Variants in FAT3 observed in about 807,000 individuals in gnomAD.
FAT3 encodes the protein FAT atypical cadherin 3.
Under a neutral mutation model 310.2 loss-of-function variants are expected in FAT3, and 95 were observed. The ratio of observed to expected loss-of-function variants is 0.31; its 90% CI spans 0.26 to 0.36. The LOEUF is 0.36. Among genes scored for constraint, FAT3 ranks in the 10% least tolerant of loss-of-function variants. The pLI is 1.00. For synonymous variants in FAT3, 2,314 were observed against 2,192.9 expected, an observed-to-expected ratio of 1.06 and a Z score of -1.54; for missense variants, 5,408 against 5,715.6, an observed-to-expected ratio of 0.95 and a Z score of 1.74.
At chr11:92,280,987 A>C (rs563298354) in intron 1 of FAT3, among the ~76,000 whole-genome samples, 1 of 152,230 alleles carries the variant, frequency 6.6e-6, no homozygotes, top group Non-Finnish European at 1.5e-5. Flanking sequence ...TTAGTGAAAT[A>C]TATATTTATT....
intron 2 of FAT3, among the ~76,000 whole-genome samples, chr11:92,392,518 T>G (rs1029937510): frequency 6.6e-6 from 1 of 152,136 alleles, no homozygotes; most frequent in African/African-American, 2.4e-5. Flanking sequence ...TATCTGTCTC[T>G]TGCTCTCTAC....
At chr11:92,464,755 C>T (rs1011174378) in intron 2 of FAT3, among the ~76,000 whole-genome samples, 14 of 152,166 alleles carry the variant, frequency 9.2e-5, no homozygotes, top group Non-Finnish European at 1.8e-4. Flanking sequence ...TTCATTTAAG[C>T]CCAGTGTCTG....
At chr11:92,548,871 G>A (rs1443180436) in intron 3 of FAT3, among the ~76,000 whole-genome samples, 2 of 152,144 alleles carry the variant, frequency 1.3e-5, no homozygotes, top group African/African-American at 4.8e-5. Context: ...TATTTGTGTG[G>A]AATTTAAAAT....
At chr11:92,298,212 TAGCAAATCTTTA>T (rs1448795790) in intron 1 of FAT3, among the ~76,000 whole-genome samples, 4 of 152,116 alleles carry the variant, frequency 2.6e-5, no homozygotes, top group African/African-American at 9.7e-5. Context: ...TCTAATAAGG[TAGCAAATCTTTA>T]AGTTCTTCAT....
At chr11:92,630,587 A>C (rs972757885) in intron 3 of FAT3, among the ~76,000 whole-genome samples, 2 of 152,174 alleles carry the variant, frequency 1.3e-5, no homozygotes, top group Non-Finnish European at 2.9e-5. Flanking sequence ...CCCCCAACGG[A>C]GATCCCACTG....
chr11:92,878,733 TAAGAA>T (rs1000409927), intron 22 of FAT3, among the ~76,000 whole-genome samples: 2 of 121,470 alleles, frequency 1.6e-5, no homozygotes, highest in Admixed American at 1.8e-4. Flanking sequence ...GTGAAGGAGA[TAAGAA>T]ACTGTCATAA....
chr11:92,797,458 G>A (rs1340581216), intron 9 of FAT3, among the ~76,000 whole-genome samples: 2 of 152,188 alleles, frequency 1.3e-5, no homozygotes, highest in Admixed American at 6.5e-5. Context: ...TCATATGTGG[G>A]CTTCCCAATC....
intron 4 of FAT3, among the ~76,000 whole-genome samples, chr11:92,759,645 C>T (rs1946094433): frequency 6.6e-6 from 1 of 152,098 alleles, no homozygotes; most frequent in Non-Finnish European, 1.5e-5. Context: ...ACGAGTGACC[C>T]GCTATGCGTA....
At chr11:92,813,450 A>G (rs113313859) in intron 13 of FAT3, among the ~76,000 whole-genome samples, 15 of 152,274 alleles carry the variant, frequency 9.9e-5, no homozygotes, top group African/African-American at 3.6e-4. Context: ...TTCAAATTTC[A>G]GGGTGTTTGC....
At chr11:92,472,505 G>T (rs528519704) in intron 2 of FAT3, among the ~76,000 whole-genome samples, 1 of 152,160 alleles carries the variant, frequency 6.6e-6, no homozygotes, top group South Asian at 2.1e-4. Flanking sequence ...GCATTGGGAC[G>T]TAGTATTTGC....
chr11:92,667,130 C>G (rs980071511), intron 3 of FAT3, among the ~76,000 whole-genome samples: 13 of 152,036 alleles, frequency 8.6e-5, no homozygotes, highest in African/African-American at 3.1e-4. Context: ...GGAGTGATGC[C>G]TAAGGTTCTA....
intron 2 of FAT3, among the ~76,000 whole-genome samples, chr11:92,360,423 A>G (rs1349516844): frequency 6.6e-6 from 1 of 152,250 alleles, no homozygotes; most frequent in Admixed American, 6.5e-5. Flanking sequence ...CACAATTTAA[A>G]TCACTAGTCT....
chr11:92,726,424 T>C (rs1945000722), intron 4 of FAT3, among the ~76,000 whole-genome samples: 2 of 152,254 alleles, frequency 1.3e-5, no homozygotes, highest in African/African-American at 4.8e-5. Flanking sequence ...AGAACAACCA[T>C]AACAATGGGA....
At chr11:92,245,297 C>G (rs2212390) in intron 1 of FAT3, among the ~76,000 whole-genome samples, 23,060 of 151,200 alleles carry the variant, frequency 0.15, 2,090 homozygotes, top group East Asian at 0.37. Context: ...ATAATGAGAA[C>G]ACATGGACAC....
At chr11:92,280,937 G>A (rs555577774) in intron 1 of FAT3, among the ~76,000 whole-genome samples, 2 of 152,076 alleles carry the variant, frequency 1.3e-5, no homozygotes, top group Admixed American at 6.6e-5. Context: ...TAAAATCTAG[G>A]TTCTCTTTGA....
chr11:92,440,434 T>C (rs1283886573), intron 2 of FAT3, among the ~76,000 whole-genome samples: 2 of 152,184 alleles, frequency 1.3e-5, no homozygotes, highest in African/African-American at 2.4e-5. Context: ...CAGATCATCG[T>C]TGGGTTGAGA....
chr11:92,561,422 A>G (rs574653022), intron 3 of FAT3, among the ~76,000 whole-genome samples: 2 of 152,296 alleles, frequency 1.3e-5, no homozygotes, highest in African/African-American at 4.8e-5. Context: ...TAAAATTTCC[A>G]TAAAAGTCTA....
chr11:92,487,503 C>T (rs1270910249), intron 2 of FAT3, among the ~76,000 whole-genome samples: 2 of 152,140 alleles, frequency 1.3e-5, no homozygotes, highest in African/African-American at 4.8e-5. Flanking sequence ...TTATTGAGCA[C>T]GTCCTTAGCG....
At chr11:92,729,875 G>T (rs1945124455) in intron 4 of FAT3, among the ~76,000 whole-genome samples, 1 of 152,068 alleles carries the variant, frequency 6.6e-6, no homozygotes, top group African/African-American at 2.4e-5. Flanking sequence ...GAATACTCTT[G>T]AGACTACAAG....
Sources: allele counts gnomAD v4.1 joint callset (sites outside exome capture counted in the v4.1 genomes callset), GRCh38; gene constraint gnomAD v4.1.1; transcripts MANE v1.5; gene names NCBI Gene and HGNC (gene_info 2026-07-23, HGNC 2026-07-21).